Variants in BCL2 observed in about 807,000 individuals in gnomAD.
The protein encoded by BCL2 is apoptosis regulator Bcl-2.
BCL2 carries 1 observed loss-of-function variant against 14.2 expected under a neutral mutation model. The ratio of observed to expected loss-of-function variants is 0.07; its 90% confidence interval spans 0.02 to 0.33. The LOEUF (loss-of-function observed/expected upper bound fraction) is 0.33. Ranked by LOEUF, BCL2 falls within the 10% of genes least tolerant of loss-of-function variation. The pLI is 0.99. For missense variants in BCL2, 247 were observed against 305.9 expected (o/e 0.81, Z 1.44); for synonymous variants, 151 against 137.2 (o/e 1.10, Z -0.70).
At chr18:63,291,632 C>T (rs1359091148) in intron 2 of BCL2, among the ~76,000 whole-genome samples, 1 of 151,724 alleles carries the variant, frequency 6.6e-6, no homozygotes, top group Non-Finnish European at 1.5e-5. Context: ...TGAAAGAGTA[C>T]AAAGATAAAG....
chr18:63,305,925 A>C (rs1160618113), intron 2 of BCL2, among the ~76,000 whole-genome samples: 2 of 152,034 alleles, frequency 1.3e-5, no homozygotes, highest in Admixed American at 1.3e-4. Context: ...TAAGACAGAC[A>C]TTATCTAGGT....
At chr18:63,287,024 T>C (rs76943710) in intron 2 of BCL2, among the ~76,000 whole-genome samples, 1,552 of 152,326 alleles carry the variant, frequency 0.01, 24 homozygotes, top group African/African-American at 0.034. Flanking sequence ...TAGACATCTG[T>C]CCCTCTCCAG....
At chr18:63,313,583 G>A (rs562318179) in intron 2 of BCL2, among the ~76,000 whole-genome samples, 8 of 152,338 alleles carry the variant, frequency 5.3e-5, no homozygotes, top group African/African-American at 1.9e-4. Context: ...TACAAAGACA[G>A]TGTTGTTTTC....
At chr18:63,304,699 G>C (rs1482994234) in intron 2 of BCL2, among the ~76,000 whole-genome samples, 1 of 152,046 alleles carries the variant, frequency 6.6e-6, no homozygotes, top group Non-Finnish European at 1.5e-5. Context: ...CACGTATCAA[G>C]CCTAGTACCC....
intron 2 of BCL2, among the ~76,000 whole-genome samples, chr18:63,245,193 T>C (rs202187735): frequency 2.2e-4 from 33 of 152,342 alleles, no homozygotes; most frequent in East Asian, 7.7e-4. Flanking sequence ...GTTTTCTTCT[T>C]AGAAATAAAC....
intron 2 of BCL2, among the ~76,000 whole-genome samples, chr18:63,270,279 C>T (rs1911968793): frequency 6.6e-6 from 1 of 152,136 alleles, no homozygotes; most frequent in Non-Finnish European, 1.5e-5. Flanking sequence ...TAATGTGATA[C>T]AGAGCTATTC....
intron 2 of BCL2, among the ~76,000 whole-genome samples, chr18:63,268,534 A>G (rs936962363): frequency 3.3e-5 from 5 of 152,172 alleles, no homozygotes; most frequent in Admixed American, 6.5e-5. Flanking sequence ...TATAAAATTG[A>G]GACGAACTGC....
intron 2 of BCL2, among the ~76,000 whole-genome samples, chr18:63,286,405 T>C (rs749427990): frequency 6.6e-6 from 1 of 152,144 alleles, no homozygotes; most frequent in Non-Finnish European, 1.5e-5. Context: ...ATGAAATGAA[T>C]GTAGACAAAG....
At position 63,181,111 on chromosome 18, in the gene BCL2, T is replaced by A. The variant is rs145339967; in HGVS notation, c.586-52352A>T. Among the ~76,000 whole-genome samples, 570 of 152,312 alleles carry A rather than the reference T, an allele frequency of 3.7e-3. 3 individuals carry two copies. The highest frequency in any genetic ancestry group is 0.013 in the African/African-American group (533 of 41,570). ...AAGTGCAACATGCAAGACAGACCAGTCATTTTTACCTCTGCCACCAGAAAT... is the reference window on the plus strand; with the variant it reads ...AAGTGCAACATGCAAGACAGACCAGACATTTTTACCTCTGCCACCAGAAAT... On this transcript the variant is annotated intron_variant, in intron 2 of 2. Coordinates refer to ENST00000333681, the MANE Select transcript of BCL2 (RefSeq NM_000633.3).
chr18:63,199,633 A>G (rs990882713), intron 2 of BCL2, among the ~76,000 whole-genome samples: 3 of 152,064 alleles, frequency 2.0e-5, no homozygotes, highest in Admixed American at 1.3e-4. Flanking sequence ...ACATACACAG[A>G]GACACACACA....
At chr18:63,185,586 A>G (rs1404211390) in intron 2 of BCL2, among the ~76,000 whole-genome samples, 1 of 152,268 alleles carries the variant, frequency 6.6e-6, no homozygotes, top group Non-Finnish European at 1.5e-5. Flanking sequence ...AGAAGAAACC[A>G]AAGGTCAAGG....
intron 2 of BCL2, chr18:63,317,844 C>A: frequency 7.1e-7 from 1 of 1,401,980 alleles, no homozygotes; most frequent in Non-Finnish European, 9.2e-7. Context: ...AACGCTAGAT[C>A]TTTGGATCTC....
chr18:63,133,053 T>C (rs1914112206), intron 2 of BCL2, among the ~76,000 whole-genome samples: 1 of 152,172 alleles, frequency 6.6e-6, no homozygotes, highest in South Asian at 2.1e-4. Flanking sequence ...CTGTCCACAG[T>C]GGCTTCCCCA....
At chr18:63,222,697 A>T (rs1421230980) in intron 2 of BCL2, among the ~76,000 whole-genome samples, 1 of 152,232 alleles carries the variant, frequency 6.6e-6, no homozygotes, top group Non-Finnish European at 1.5e-5. Flanking sequence ...CAGGACTTCC[A>T]AGCAAAAATG....
chr18:63,294,165 G>A (rs1017164663), intron 2 of BCL2, among the ~76,000 whole-genome samples: 1 of 151,828 alleles, frequency 6.6e-6, no homozygotes, highest in African/African-American at 2.4e-5. Context: ...CTGTTGTCCA[G>A]GGCAGCTCTG....
chr18:63,182,683 C>A (rs1915507047), intron 2 of BCL2, among the ~76,000 whole-genome samples: 1 of 152,234 alleles, frequency 6.6e-6, no homozygotes, highest in African/African-American at 2.4e-5. Context: ...AAACAGGCTT[C>A]ATTGGCCCAT....
intron 2 of BCL2, among the ~76,000 whole-genome samples, chr18:63,205,114 G>A (rs947424775): frequency 6.6e-6 from 1 of 152,066 alleles, no homozygotes; most frequent in African/African-American, 2.4e-5. Flanking sequence ...TTTTGAAAAA[G>A]GGAAAAATAA....
intron 2 of BCL2, among the ~76,000 whole-genome samples, chr18:63,196,156 T>C (rs931140764): frequency 5.3e-5 from 8 of 152,232 alleles, no homozygotes; most frequent in African/African-American, 1.9e-4. Flanking sequence ...TCTGTATCCC[T>C]GTAACCTCTA....
At chr18:63,251,398 C>G (rs1233135322) in intron 2 of BCL2, among the ~76,000 whole-genome samples, 1 of 152,174 alleles carries the variant, frequency 6.6e-6, no homozygotes, top group Non-Finnish European at 1.5e-5. Flanking sequence ...CTACCCAGCA[C>G]TTTGGGAGGC....
Sources: gnomAD v4.1 joint callset for allele counts (sites outside exome capture counted in the v4.1 genomes callset) on GRCh38, gnomAD v4.1.1 for gene constraint, MANE v1.5 for transcripts, NCBI Gene and HGNC (gene_info 2026-07-23, HGNC 2026-07-21) for gene names.